ST7L: variants seen among roughly 807,000 people sequenced by gnomAD.
The protein encoded by ST7L is suppression of tumorigenicity 7 like.
A neutral mutation model predicts 72.5 loss-of-function variants in ST7L; 57 were observed. The ratio of observed to expected loss-of-function variants is 0.79; its 90% CI spans 0.64 to 0.98. The LOEUF is 0.98. Ranked by LOEUF, ST7L falls within the 50% of genes least tolerant of loss-of-function variation. The pLI is 0.00. For synonymous variants in ST7L, 221 were observed against 240.9 expected, an observed-to-expected ratio of 0.92 and a Z score of 0.77; for missense variants, 576 against 672.2, an observed-to-expected ratio of 0.86 and a Z score of 1.58.
intron 3 of ST7L, among the ~76,000 whole-genome samples, chr1:112,609,543 G>A (rs1195234519): frequency 6.1e-5 from 9 of 146,456 alleles, no homozygotes; most frequent in Admixed American, 1.4e-4. Context: ...AAAAAAAAAT[G>A]CTGGGTATGG....
At chr1:112,546,181 T>C (rs1657013247) in intron 13 of ST7L, among the ~76,000 whole-genome samples, 1 of 151,914 alleles carries the variant, frequency 6.6e-6, no homozygotes, top group Non-Finnish European at 1.5e-5. Context: ...TAGCCAGGCA[T>C]GGTGGCACAT....
chr1:112,567,159 A>G (rs1348529359), intron 11 of ST7L, among the ~76,000 whole-genome samples: 1 of 152,196 alleles, frequency 6.6e-6, no homozygotes, highest in African/African-American at 2.4e-5. Flanking sequence ...ATGTGAAAGT[A>G]TTACTTCATG....
chr1:112,557,999 G>C (rs1277774837), intron 11 of ST7L, among the ~76,000 whole-genome samples: 1 of 152,152 alleles, frequency 6.6e-6, no homozygotes, highest in Non-Finnish European at 1.5e-5. Flanking sequence ...GTTATATGTA[G>C]AAAGATACAA....
chr1:112,543,712 T>C (rs1656579087), intron 13 of ST7L, among the ~76,000 whole-genome samples: 1 of 151,636 alleles, frequency 6.6e-6, no homozygotes, highest in Non-Finnish European at 1.5e-5. Flanking sequence ...CTACTAAAAA[T>C]AGAAAGATTA....
chr1:112,612,460 T>A (rs1212583239), intron 2 of ST7L, among the ~76,000 whole-genome samples: 1 of 152,114 alleles, frequency 6.6e-6, no homozygotes, highest in Non-Finnish European at 1.5e-5. Context: ...CACAAAAAAA[T>A]CAGCATTTTC....
chr1:112,617,074 C>T, intron 1 of ST7L, 179 bp from the exon 2 acceptor site: 1 of 379,688 alleles, frequency 2.6e-6, no homozygotes, highest in Non-Finnish European at 4.7e-6. Context: ...TCACTATTTG[C>T]AACAAATCAA....
chr1:112,619,626 T>C (rs1670503943), upstream of ST7L: 3 of 573,440 alleles, frequency 5.2e-6, no homozygotes, highest in South Asian at 2.1e-5. Flanking sequence ...TTGGGAAAGA[T>C]ATTAGACTTC....
At chr1:112,572,433 T>C (rs1241511409) in intron 11 of ST7L, among the ~76,000 whole-genome samples, 1 of 152,146 alleles carries the variant, frequency 6.6e-6, no homozygotes, top group East Asian at 1.9e-4. Context: ...GGCTGTTTCA[T>C]CTACTTTGGA....
chr1:112,550,665 C>A lies in ST7L; in HGVS notation c.1425G>T (p.Glu475Asp). ...GTFRMIPYPL[E>D]KGHLFYPYPS... ...GATAAGGGTAAAATAGATGTCCTTTCTCTAACGGGTATGGAATCATTCTAA... is the reference window on the plus strand; with the variant it reads ...GATAAGGGTAAAATAGATGTCCTTTATCTAACGGGTATGGAATCATTCTAA... Residue 475 changes from glutamate to aspartate, a missense_variant, in exon 13 of 15, where the codon GAG becomes GAT. By Grantham distance (45) the Glu-to-Asp change is conservative. Transcript: ENST00000358039. The A allele has an allele frequency of 6.2e-7, 1 of 1,613,420 alleles. No homozygotes were observed. The highest frequency in any genetic ancestry group is 8.5e-7 in the Non-Finnish European group (1 of 1,179,610).
intron 14 of ST7L, among the ~76,000 whole-genome samples, chr1:112,536,466 C>T (rs1470048149): frequency 6.6e-6 from 1 of 152,004 alleles, no homozygotes; most frequent in Non-Finnish European, 1.5e-5. Context: ...GAATAGTGGA[C>T]AAATCTTCCC....
intron 14 of ST7L, chr1:112,527,205 CAGA>C (rs2101140895): frequency 6.6e-6 from 1 of 152,408 alleles, no homozygotes. Context: ...ACTGTTAAGA[CAGA>C]AGGGAAAAGT....
intron 4 of ST7L, among the ~76,000 whole-genome samples, chr1:112,598,525 G>C (rs997299087): frequency 6.6e-6 from 1 of 151,096 alleles, no homozygotes; most frequent in Non-Finnish European, 1.5e-5. Context: ...TGAAGCTGAA[G>C]GATCACTTGA....
At position 112,536,357 on chromosome 1, in the gene ST7L, AC is replaced by A. The variant is rs529362635; in HGVS notation, c.1629+5593del. ...TGGAAAACTCAGAACCTTTAAAAAA[AC>A]ATATATTTTTCAATTGGTATACATT... is the stretch of plus-strand genomic sequence containing the variant. On this transcript the variant is annotated intron_variant, in intron 14 of 14. Transcript: ENST00000358039. Among the ~76,000 whole-genome samples the A allele has an allele frequency of 2.0e-4, 31 of 152,288 alleles. No individual in the cohort carries two copies. The South Asian group carries it at 6.4e-3, about 32-fold the overall frequency.
chr1:112,554,638 C>T (rs1658790293), intron 12 of ST7L, among the ~76,000 whole-genome samples: 1 of 152,056 alleles, frequency 6.6e-6, no homozygotes, highest in South Asian at 2.1e-4. Context: ...CCCAAAAGAA[C>T]TGAAAGCAGG....
chr1:112,519,281 G>A (rs939646704), downstream of ST7L, among the ~76,000 whole-genome samples: 8 of 152,090 alleles, frequency 5.3e-5, no homozygotes, highest in African/African-American at 9.7e-5. Context: ...ATTATAAAAC[G>A]TAAATATTTT....
At chr1:112,578,477 T>C in intron 9 of ST7L, 60 bp from the exon 10 acceptor site, 1 of 1,444,692 alleles carries the variant, frequency 6.9e-7, no homozygotes, top group South Asian at 1.1e-5. Context: ...GACAATTTTT[T>C]AATAAGAATA....
At chr1:112,590,512 T>C (rs1665532027) in intron 6 of ST7L, among the ~76,000 whole-genome samples, 1 of 152,206 alleles carries the variant, frequency 6.6e-6, no homozygotes, top group South Asian at 2.1e-4. Flanking sequence ...GGGAAGGTCT[T>C]CTTAATAAGG....
At chr1:112,577,993 G>C (rs1279185105) in intron 10 of ST7L, among the ~76,000 whole-genome samples, 1 of 152,026 alleles carries the variant, frequency 6.6e-6, no homozygotes, top group Non-Finnish European at 1.5e-5. Flanking sequence ...GTTACTATTT[G>C]GTGTGTGTAC....
At chr1:112,541,754 CT>C in intron 14 of ST7L, 196 bp downstream of exon 14, 1 of 1,287,856 alleles carries the variant, frequency 7.8e-7, no homozygotes, top group Non-Finnish European at 9.9e-7. Context: ...ATTCTTTAAA[CT>C]TTTAAGCAAC....
Sources: gnomAD v4.1 joint callset for allele counts (sites outside exome capture counted in the v4.1 genomes callset) on GRCh38, gnomAD v4.1.1 for gene constraint, MANE v1.5 for transcripts, NCBI Gene and HGNC (gene_info 2026-07-23, HGNC 2026-07-21) for gene names.